CEP295: variants seen among roughly 807,000 people sequenced by gnomAD.
CEP295 encodes centrosomal protein 295.
In CEP295, 190 loss-of-function variants were observed where a neutral mutation model predicts 291.6. The observed-to-expected ratio is 0.65, with a 90% CI of 0.58 to 0.73. CEP295 has a LOEUF of 0.73. Ranked by LOEUF, CEP295 falls within the 30% of genes least tolerant of loss-of-function variation. The pLI is 0.00. For synonymous variants in CEP295, 993 were observed against 1,038.8 expected (o/e 0.96, Z 0.85); for missense variants, 2,863 against 2,949.4 (o/e 0.97, Z 0.68).
chr11:93,723,466 T>A (rs1953906532), intron 21 of CEP295, 177 bp downstream of exon 21: 1 of 535,114 alleles, frequency 1.9e-6, no homozygotes, highest in African/African-American at 1.9e-5. Context: ...CTGGAACCAA[T>A]TAGACTCACT....
In CEP295 at chr11:93,727,530, G is replaced by C; in HGVS notation, c.7054G>C (p.Ala2352Pro). ...TQNEKYFENS[A>P]ETDIPKITKK... ...AAATGAAAAATATTTTGAGAATTCA[G>C]CTGAAACAGACATTCCAAAAATCAC... Residue 2352 changes from alanine to proline, a missense_variant, in exon 24 of 30, where the codon GCT becomes CCT. Ala to Pro is a conservative substitution (Grantham distance 27, BLOSUM62 -1). Transcript: ENST00000325212. 1 of 1,551,620 alleles carries C rather than the reference G, an allele frequency of 6.4e-7. No homozygotes were observed. The highest frequency in any genetic ancestry group is 8.7e-7 in the Non-Finnish European group (1 of 1,146,920).
chr11:93,698,011 A>T lies in CEP295; in HGVS notation c.3099A>T (p.Gln1033His). 6.4e-7 allele frequency: 1 copy of T among 1,551,750 alleles called. No individual in the cohort carries two copies. The highest frequency in any genetic ancestry group is 8.7e-7 in the Non-Finnish European group (1 of 1,146,976). The change falls in exon 15 of 30, where the codon CAA (glutamine) becomes CAT (histidine). Residue 1033 changes from glutamine (Q) to histidine (H), a missense_variant. Around this residue, in one of 3 missense-constraint regions of CEP295, gnomAD observed 2,295 missense variants for 2,335.7 expected, o/e 0.98. Coordinates refer to ENST00000325212, the MANE Select transcript of CEP295 (RefSeq NM_033395.2). ...GCGAGAAAGGACTTGTTTCATGCCA[A>T]TCTGACATCCCCATATCTCAGGATG... is the stretch of plus-strand genomic sequence containing the variant. Reference protein sequence around the residue: ...SKSEKGLVSCQSDIPISQDGS... With the variant: ...SKSEKGLVSCHSDIPISQDGS...
rs1345171394 is a variant in CEP295, at chr11:93,670,175, C to T, written c.528+405C>T. 3.9e-5 allele frequency among the ~76,000 whole-genome samples: 6 copies of T among 152,040 alleles called. No individual in the cohort carries two copies. In the East Asian group the frequency reaches 1.2e-3, roughly 29 times the overall value. ...TTATTTATTGGGGGAAAAAACTAAA[C>T]TATTCGTCCATTAGGCTTTCCCACA... On this transcript the variant is annotated intron_variant, in intron 5 of 29. Coordinates refer to ENST00000325212, the MANE Select transcript of CEP295 (RefSeq NM_033395.2).
At chr11:93,722,377 G>A (rs1279776215) in intron 20 of CEP295, 5 of 234,050 alleles carry the variant, frequency 2.1e-5, no homozygotes, top group East Asian at 2.4e-4. Context: ...TGAGGGGATC[G>A]CTTGAGCCTG....
chr11:93,723,009 A>ATT (rs71474001), intron 20 of CEP295, 32 bp from the exon 21 acceptor site: 2 of 1,540,786 alleles, frequency 1.3e-6, no homozygotes, highest in African/African-American at 2.8e-5. Context: ...CGCCTGGCCT[A>ATT]TTTACATATT....
intron 18 of CEP295, 82 bp from the exon 19 acceptor site, chr11:93,721,230 T>C: frequency 4.0e-6 from 3 of 745,300 alleles, no homozygotes; most frequent in Middle Eastern, 2.6e-4. Context: ...CAGGGAATGG[T>C]GTCCTGTGGT....
At chr11:93,684,306 A>G (rs1320117713) in intron 9 of CEP295, among the ~76,000 whole-genome samples, 178 bp downstream of exon 9, 2 of 152,304 alleles carry the variant, frequency 1.3e-5, no homozygotes, top group East Asian at 1.9e-4. Flanking sequence ...ATCCTTTTTC[A>G]TATGTGTAGG....
At position 93,673,952 on chromosome 11, in the gene CEP295, C is replaced by CT. The variant is rs747193330; in HGVS notation, c.529-1607dup. Among the ~76,000 whole-genome samples, 1,029 of 137,776 alleles carry CT rather than the reference C, an allele frequency of 7.5e-3. 21 individuals carry two copies. The highest frequency in any genetic ancestry group is 0.022 in the African/African-American group (822 of 37,882). The allele number at this position is 137,776 out of a possible 152,430, so 90.4% of individuals were successfully genotyped here. On this transcript the variant is annotated intron_variant, in intron 5 of 29. Coordinates refer to ENST00000325212, the MANE Select transcript of CEP295 (RefSeq NM_033395.2). The stretch of plus-strand genomic sequence containing the variant: ...ACTTGGATTTTCTTAATCCCCCCTT[C>CT]TTTTTTTTTTTTCTTTTTGAGACAG...
At chr11:93,709,680 A>T (rs966341128) in intron 18 of CEP295, among the ~76,000 whole-genome samples, 1 of 152,112 alleles carries the variant, frequency 6.6e-6, no homozygotes, top group Admixed American at 6.6e-5. Flanking sequence ...TCTATGAAGA[A>T]TATCATTGGT....
intron 12 of CEP295, among the ~76,000 whole-genome samples, chr11:93,693,593 TA>T (rs1951700259): frequency 6.6e-6 from 1 of 151,970 alleles, no homozygotes; most frequent in Non-Finnish European, 1.5e-5. Flanking sequence ...CCATCTCTAC[TA>T]AAAATACAAA....
intron 1 of CEP295, 80 bp from the exon 2 acceptor site, chr11:93,666,602 A>AG: frequency 3.2e-6 from 2 of 621,046 alleles, no homozygotes; most frequent in Non-Finnish European, 5.5e-6. Context: ...TCAAAAAAAA[A>AG]CAAACAAAAT....
chr11:93,690,400 C>T (rs1951463837), intron 10 of CEP295, among the ~76,000 whole-genome samples: 1 of 152,014 alleles, frequency 6.6e-6, no homozygotes, highest in Non-Finnish European at 1.5e-5. Flanking sequence ...ACTAAAAATA[C>T]TAAAAAGTAG....
At chr11:93,685,804 G>A (rs558797037) in intron 9 of CEP295, among the ~76,000 whole-genome samples, 269 of 152,138 alleles carry the variant, frequency 1.8e-3, no homozygotes, top group African/African-American at 4.9e-3. Flanking sequence ...TCCACCTCCC[G>A]GGTTCAAGTG....
chr11:93,707,166 C>T (rs1238993421), intron 18 of CEP295, among the ~76,000 whole-genome samples: 1 of 151,848 alleles, frequency 6.6e-6, no homozygotes, highest in East Asian at 1.9e-4. Context: ...TATGTTTAAG[C>T]CTATTTGTAA....
Position 93,687,687 on chromosome 11 carries a change from T to A in CEP295, c.1158T>A (p.Leu386=). ...CCCAACAGATTCCTTCAAAAGTTCT[T>A]TTTAAAAAATTATTAAATAAGATCC... is the stretch of plus-strand genomic sequence containing the variant. The part of the protein sequence containing the change: ...MKTQQIPSKV[L]FKKLLNKIRS... Residue 386 remains leucine, a synonymous_variant, in exon 10 of 30, where the codon CTT becomes CTA. Coordinates refer to ENST00000325212, the MANE Select transcript of CEP295 (RefSeq NM_033395.2). The A allele has an allele frequency of 6.5e-7, 1 of 1,543,532 alleles. No individual in the cohort carries two copies. Among genetic ancestry groups the A allele is most frequent in the Non-Finnish European group, 8.8e-7 (1 of 1,141,416 alleles).
Position 93,698,878 on chromosome 11 carries a change from A to G in CEP295, c.3966A>G (p.Lys1322=). ...LEPLFTESES[K]IFSSHLQIPQ... is the part of the protein sequence containing the mutation. Reference sequence around the variant, plus strand: ...CTCTTTTTACAGAGAGTGAAAGTAAAATTTTTTCAAGCCACCTTCAGATCC... The same window carrying G: ...CTCTTTTTACAGAGAGTGAAAGTAAGATTTTTTCAAGCCACCTTCAGATCC... The change falls in exon 15 of 30, where the codon AAA becomes AAG. Residue 1322 remains lysine, a synonymous_variant. Coordinates refer to ENST00000325212, the MANE Select transcript of CEP295 (RefSeq NM_033395.2). The G allele has an allele frequency of 6.4e-7, 1 of 1,551,630 alleles. No individual in the cohort carries two copies. Among genetic ancestry groups the G allele is most frequent in the East Asian group, 2.4e-5 (1 of 40,912 alleles).
chr11:93,728,810 T>A lies in CEP295; in HGVS notation c.7291T>A (p.Cys2431Ser), dbSNP rs960160837. 6.5e-7 allele frequency: 1 copy of A among 1,537,066 alleles called. No individual in the cohort carries two copies. Among genetic ancestry groups the A allele is most frequent in the Non-Finnish European group, 8.7e-7 (1 of 1,143,640 alleles). The change falls in exon 25 of 30, where the codon TGC (cysteine) becomes AGC (serine). Residue 2431 changes from cysteine (C) to serine (S), a missense_variant. This residue lies in a region of CEP295 where 2,295 missense variants were observed against 2,335.7 expected (regional missense o/e 0.98). Transcript: ENST00000325212. ...AGAGAAGAGCGAGAATGAAGCAAAA[T>A]GCTTCTTTCAGGTAAATTTAAGCTT... ...LEEKSENEAKCFFQVSEFLPL... is the reference protein window; with the variant it reads ...LEEKSENEAKSFFQVSEFLPL...
In CEP295 at chr11:93,702,931, C is replaced by A. The variant is rs1952263403; in HGVS notation, c.5596+12C>A. On this transcript the variant is annotated intron_variant, in intron 17 of 29. Coordinates refer to ENST00000325212, the MANE Select transcript of CEP295 (RefSeq NM_033395.2). The stretch of plus-strand genomic sequence containing the variant: ...AACTTCTATACTAGGTAAATAGATG[C>A]TTTGATAAAACAAGATTTTTAAATA... The A allele has an allele frequency of 6.6e-7, 1 of 1,521,950 alleles. No homozygotes were observed. The allele number at this position is 1,521,950 out of a possible 1,614,324, so 94.3% of individuals were successfully genotyped here. A position where few individuals can be genotyped will look rare whatever the true frequency, so the allele number is the denominator to read the frequency against.
At chr11:93,724,146 A>T in intron 21 of CEP295, 108 bp from the exon 22 acceptor site, 1 of 1,020,398 alleles carries the variant, frequency 9.8e-7, no homozygotes, top group Non-Finnish European at 1.4e-6. Flanking sequence ...ACCTGAAAAT[A>T]AGCGTTTATG....
Sources: gnomAD v4.1 joint callset for allele counts (sites outside exome capture counted in the v4.1 genomes callset) on GRCh38, gnomAD v4.1.1 for gene constraint, gnomAD v4.1.1 regional missense constraint, MANE v1.5 for transcripts, NCBI Gene and HGNC (gene_info 2026-07-23, HGNC 2026-07-21) for gene names.